Variants in UTS2 observed in about 807,000 individuals in gnomAD.
UTS2 encodes urotensin 2.
UTS2 carries 10 observed loss-of-function variants against 12.6 expected under a neutral mutation model. That is an observed-to-expected ratio of 0.80 (90% CI 0.49 to 1.35). The LOEUF (loss-of-function observed/expected upper bound fraction) is 1.35, where lower values mean the gene tolerates loss of function less well. Ranked by LOEUF, UTS2 falls within the 40% of genes most tolerant of loss-of-function variation. The probability of loss-of-function intolerance (pLI) is 0.00; values close to 1 mark genes in which losing one functional copy is unlikely to be tolerated. For missense variants in UTS2, 142 were observed against 143.2 expected (o/e 0.99, Z 0.04); for synonymous variants, 52 against 50.0 (o/e 1.04, Z -0.17).
the UTS2 span, among the ~76,000 whole-genome samples, chr1:7,883,739 G>T: frequency 6.6e-6 from 1 of 152,108 alleles, no homozygotes; most frequent in African/African-American, 2.4e-5. Context: ...CTACCACCCT[G>T]ATAGTCAGCA....
upstream of UTS2, chr1:7,853,201 G>A (rs2097415987): frequency 7.8e-6 from 12 of 1,543,770 alleles, no homozygotes; most frequent in Admixed American, 2.4e-4. Context: ...ATTTTTCAAG[G>A]TAACAAGTCA....
chr1:7,881,008 A>G, the UTS2 span, among the ~76,000 whole-genome samples: 1 of 151,838 alleles, frequency 6.6e-6, no homozygotes, highest in South Asian at 2.1e-4. Context: ...TACAAATGTG[A>G]TACCTCACAT....
the UTS2 span, among the ~76,000 whole-genome samples, chr1:7,882,400 T>C: frequency 1.2e-4 from 19 of 152,092 alleles, no homozygotes; most frequent in South Asian, 1.0e-3. Context: ...AAACTAGATG[T>C]GTATCTCTCC....
the UTS2 span, among the ~76,000 whole-genome samples, chr1:7,864,849 A>C: frequency 6.6e-6 from 1 of 152,360 alleles, no homozygotes; most frequent in African/African-American, 2.4e-5. Context: ...GAACAATCAG[A>C]GGGTGAAGGA....
chr1:7,853,873 A>G (rs1638239279), upstream of UTS2, among the ~76,000 whole-genome samples: 1 of 152,244 alleles, frequency 6.6e-6, no homozygotes, highest in Admixed American at 6.5e-5. Flanking sequence ...TGCCAGAAGC[A>G]TCTGCATAAG....
the UTS2 span, among the ~76,000 whole-genome samples, chr1:7,901,866 G>C: frequency 5.1e-3 from 773 of 152,244 alleles, 9 homozygotes; most frequent in African/African-American, 0.018. Flanking sequence ...GAACGTGTGA[G>C]GTCTGTAGGG....
chr1:7,853,806 G>A (rs1041128071), upstream of UTS2, among the ~76,000 whole-genome samples: 8 of 152,232 alleles, frequency 5.3e-5, no homozygotes, highest in East Asian at 7.7e-4. Context: ...AAAGGTCCCC[G>A]ACAGGCGTCC....
chr1:7,852,320 G>T (rs1248679696), intron 1 of UTS2, among the ~76,000 whole-genome samples: 1 of 152,088 alleles, frequency 6.6e-6, no homozygotes, highest in African/African-American at 2.4e-5. Context: ...TGACTGATGT[G>T]TATTTCTTTA....
At chr1:7,880,404 A>G in the UTS2 span, among the ~76,000 whole-genome samples, 4 of 120,156 alleles carry the variant, frequency 3.3e-5, no homozygotes, top group African/African-American at 1.2e-4. Flanking sequence ...AGCTAGACTA[A>G]CCGGGGAGTG....
the UTS2 span, among the ~76,000 whole-genome samples, chr1:7,871,213 G>T: frequency 6.6e-6 from 1 of 152,196 alleles, no homozygotes; most frequent in Non-Finnish European, 1.5e-5. Flanking sequence ...GTGCCATCAT[G>T]CATGCTCTTG....
chr1:7,874,656 C>T, the UTS2 span, among the ~76,000 whole-genome samples: 1 of 152,198 alleles, frequency 6.6e-6, no homozygotes, highest in Admixed American at 6.5e-5. Context: ...CTGACAGCAC[C>T]CCCACCATCC....
At chr1:7,911,933 T>C in the UTS2 span, among the ~76,000 whole-genome samples, 1 of 151,512 alleles carries the variant, frequency 6.6e-6, no homozygotes, top group Non-Finnish European at 1.5e-5. Flanking sequence ...TGGAAGACTT[T>C]TCTGTGGATT....
At chr1:7,871,424 C>A in the UTS2 span, among the ~76,000 whole-genome samples, 1 of 152,206 alleles carries the variant, frequency 6.6e-6, no homozygotes, top group Admixed American at 6.5e-5. Context: ...CCTGCCCAGG[C>A]TGGCTTCACT....
upstream of UTS2, among the ~76,000 whole-genome samples, chr1:7,858,501 T>G (rs1225062271): frequency 6.6e-6 from 1 of 152,206 alleles, no homozygotes; most frequent in East Asian, 1.9e-4. Context: ...CTCTTTTCAG[T>G]TTTAGTTTTG....
At chr1:7,890,188 T>C in the UTS2 span, among the ~76,000 whole-genome samples, 1 of 151,764 alleles carries the variant, frequency 6.6e-6, no homozygotes, top group African/African-American at 2.4e-5. Flanking sequence ...CCTCCCTCCA[T>C]TAAGAGTGGA....
At chr1:7,858,260 G>A (rs147266389), upstream of UTS2, among the ~76,000 whole-genome samples, 153 of 152,272 alleles carry the variant, frequency 1.0e-3, no homozygotes, top group African/African-American at 3.3e-3. Flanking sequence ...GTCATTCCAC[G>A]CTAATGGCCC....
the UTS2 span, among the ~76,000 whole-genome samples, chr1:7,898,364 A>T: frequency 6.6e-6 from 1 of 152,226 alleles, no homozygotes; most frequent in South Asian, 2.1e-4. Flanking sequence ...AAAAGCATTT[A>T]TTAGGGGAAC....
upstream of UTS2, among the ~76,000 whole-genome samples, chr1:7,854,714 T>C (rs559514705): frequency 3.4e-4 from 51 of 152,210 alleles, no homozygotes; most frequent in Admixed American, 7.2e-4. Context: ...TTAATAACAA[T>C]GTATAGTTGA....
intron 2 of UTS2, among the ~76,000 whole-genome samples, 182 bp downstream of exon 2, chr1:7,850,630 G>A (rs2097412982): frequency 6.6e-6 from 1 of 152,196 alleles, no homozygotes; most frequent in Non-Finnish European, 1.5e-5. Context: ...CACAGTGCGA[G>A]CAAGGAGCTG....
Sources: allele counts gnomAD v4.1 joint callset (sites outside exome capture counted in the v4.1 genomes callset), GRCh38; gene constraint gnomAD v4.1.1; transcripts MANE v1.5; gene names NCBI Gene and HGNC (gene_info 2026-07-23, HGNC 2026-07-21).